The following ARHGEF10 variants were observed in gnomAD, a reference collection of about 807,000 sequenced individuals.
ARHGEF10 encodes the protein Rho guanine nucleotide exchange factor (GEF) 10.
Under a neutral mutation model 147.4 loss-of-function variants are expected in ARHGEF10, and 140 were observed. That is an observed-to-expected ratio of 0.95 (90% CI 0.83 to 1.09). ARHGEF10 has a LOEUF of 1.09. Ranked by LOEUF, ARHGEF10 falls within the 50% of genes least tolerant of loss-of-function variation. ARHGEF10 has a pLI of 0.00. For missense variants in ARHGEF10, 2,222 were observed against 1,752.7 expected (o/e 1.27, Z -4.78); for synonymous variants, 902 against 695.8 (o/e 1.30, Z -4.67).
At chr8:1,846,145 G>A (rs991152449) in intron 2 of ARHGEF10, among the ~76,000 whole-genome samples, 1 of 152,208 alleles carries the variant, frequency 6.6e-6, no homozygotes, top group African/African-American at 2.4e-5. Context: ...AGACCCTGGC[G>A]GGAGCCCGGG....
chr8:1,923,106 G>T (rs753649740), intron 19 of ARHGEF10, 27 bp downstream of exon 19: 2 of 1,494,820 alleles, frequency 1.3e-6, no homozygotes. Context: ...TTGGATTTAA[G>T]ATTCTGCCTT....
chr8:1,850,927 A>T (rs901974515), intron 2 of ARHGEF10, among the ~76,000 whole-genome samples: 1 of 152,050 alleles, frequency 6.6e-6, no homozygotes, highest in East Asian at 1.9e-4. Flanking sequence ...CATCTTACTG[A>T]GCGAGAGAAG....
intron 7 of ARHGEF10, among the ~76,000 whole-genome samples, chr8:1,874,154 C>A (rs969801314): frequency 6.6e-6 from 1 of 152,212 alleles, no homozygotes. Flanking sequence ...GTGAGTAATT[C>A]ACTGAATTGA....
At chr8:1,912,285 C>T (rs1811418530) in intron 18 of ARHGEF10, among the ~76,000 whole-genome samples, 1 of 152,064 alleles carries the variant, frequency 6.6e-6, no homozygotes, top group Non-Finnish European at 1.5e-5. Context: ...CAGCAGGAAG[C>T]TCGCCGTCCC....
chr8:1,942,564 G>A (rs759335707), intron 26 of ARHGEF10, among the ~76,000 whole-genome samples: 1 of 152,156 alleles, frequency 6.6e-6, no homozygotes, highest in Non-Finnish European at 1.5e-5. Context: ...AAAGTAACTC[G>A]TGGCATGACC....
intron 7 of ARHGEF10, among the ~76,000 whole-genome samples, chr8:1,875,411 T>C (rs1001826247): frequency 3.3e-5 from 5 of 152,184 alleles, no homozygotes; most frequent in Admixed American, 3.3e-4. Context: ...GACTCTTGGC[T>C]CTTGGGCATG....
At chr8:1,891,564 G>A (rs191887429) in intron 11 of ARHGEF10, among the ~76,000 whole-genome samples, 5 of 152,286 alleles carry the variant, frequency 3.3e-5, no homozygotes, top group East Asian at 1.9e-4. Context: ...GGCACCATCC[G>A]CAGCTCTCCC....
In ARHGEF10 at chr8:1,858,095, G is replaced by C; in HGVS notation, c.173G>C (p.Ser58Thr). 1.2e-6 allele frequency: 2 copies of C among 1,608,080 alleles called. No homozygotes were observed. Among genetic ancestry groups the C allele is most frequent in the Non-Finnish European group, 1.7e-6 (2 of 1,176,198 alleles). Reference sequence around the variant, plus strand: ...CCTGAGACAGGAGGTGCTGGAGCCAGTGAAGCCCCTGCACCCACAGGTGAG... The same window carrying C: ...CCTGAGACAGGAGGTGCTGGAGCCACTGAAGCCCCTGCACCCACAGGTGAG... ...SAPETGGAGA[S>T]EAPAPTGGED... The change falls in exon 3 of 29, where the codon AGT (serine) becomes ACT (threonine). Residue 58 changes from serine (S) to threonine (T), a missense_variant. Physicochemically the swap from Ser to Thr is moderately conservative, Grantham distance 58. Coordinates refer to ENST00000349830, the MANE Select transcript of ARHGEF10 (RefSeq NM_014629.4).
At chr8:1,863,317 T>C (rs1471943568) in intron 4 of ARHGEF10, among the ~76,000 whole-genome samples, 1 of 152,202 alleles carries the variant, frequency 6.6e-6, no homozygotes, top group Non-Finnish European at 1.5e-5. Context: ...TCCAGCTGTG[T>C]GGCAGCTCCT....
At chr8:1,891,526 T>A (rs186194147) in intron 11 of ARHGEF10, among the ~76,000 whole-genome samples, 9 of 152,176 alleles carry the variant, frequency 5.9e-5, no homozygotes, top group African/African-American at 2.2e-4. Context: ...GGTGAGGACA[T>A]GAGGAAGGTC....
At chr8:1,865,487 C>G (rs1218302226) in intron 5 of ARHGEF10, among the ~76,000 whole-genome samples, 1 of 151,274 alleles carries the variant, frequency 6.6e-6, no homozygotes, top group Non-Finnish European at 1.5e-5. Flanking sequence ...GGGCCATCAC[C>G]AGGACACGGG....
At position 1,876,561 on chromosome 8, in the gene ARHGEF10, A is replaced by G. The variant is rs1807721000; in HGVS notation, c.680-10A>G. ...AAGTTTTAATTTCATTTTGGAATTT[A>G]TGCACTCAGATGAAATGATTTATGA... On this transcript the variant is annotated splice_polypyrimidine_tract_variant and intron_variant, in intron 7 of 28. Coordinates refer to ENST00000349830, the MANE Select transcript of ARHGEF10 (RefSeq NM_014629.4). The G allele has an allele frequency of 6.2e-7, 1 of 1,613,774 alleles. No homozygotes were observed. The highest frequency in any genetic ancestry group is 1.3e-5 in the African/African-American group (1 of 75,066).
intron 18 of ARHGEF10, among the ~76,000 whole-genome samples, chr8:1,917,484 C>A (rs1288164950): frequency 6.6e-6 from 1 of 152,152 alleles, no homozygotes; most frequent in Non-Finnish European, 1.5e-5. Flanking sequence ...TTCCAGCCGT[C>A]CTTGCTATTG....
chr8:1,859,827 C>T lies in ARHGEF10; in HGVS notation c.194-70C>T, dbSNP rs920650525. On this transcript the variant is annotated intron_variant, in intron 3 of 28. Coordinates refer to ENST00000349830, the MANE Select transcript of ARHGEF10 (RefSeq NM_014629.4). ...GGAGCTCATACCTGCTTCCCACTTG[C>T]GCTCCAGGAGGGCATGCCTGCCATG... 7.5e-5 allele frequency: 118 copies of T among 1,580,434 alleles called. 1 individual carries two copies. In the East Asian group the frequency reaches 1.4e-3, roughly 19 times the overall value.
chr8:1,950,486 C>A (rs144870741), intron 27 of ARHGEF10, among the ~76,000 whole-genome samples: 1 of 152,276 alleles, frequency 6.6e-6, no homozygotes, highest in Non-Finnish European at 1.5e-5. Context: ...TAAAAACATT[C>A]ATATCGGGTT....
chr8:1,945,621 C>T lies in ARHGEF10; in HGVS notation c.3363C>T (p.Ile1121=). ...HTETLKHLQD[I]NIATPVHNML... is the part of the protein sequence containing the mutation. ...AAACTCTCAAGCACCTGCAGGACAT[C>T]AACATCGCCACCCCTGTTCACAACA... Residue 1121 remains isoleucine (I), a synonymous_variant, in exon 27 of 29, where the codon ATC becomes ATT. Transcript: ENST00000349830. 6.2e-7 allele frequency: 1 copy of T among 1,614,262 alleles called. No individual in the cohort carries two copies. Among genetic ancestry groups the T allele is most frequent in the South Asian group, 1.1e-5 (1 of 91,088 alleles).
At chr8:1,840,950 C>T (rs1373541542) in intron 1 of ARHGEF10, among the ~76,000 whole-genome samples, 2 of 152,316 alleles carry the variant, frequency 1.3e-5, no homozygotes, top group African/African-American at 4.8e-5. Flanking sequence ...GAAAGCTCAC[C>T]TGCAAGGGCA....
chr8:1,843,515 C>A, intron 2 of ARHGEF10, 79 bp downstream of exon 2: 1 of 1,097,548 alleles, frequency 9.1e-7, no homozygotes, highest in Non-Finnish European at 1.4e-6. Context: ...TCTGGAACCA[C>A]TGAATTGCTG....
At chr8:1,901,787 A>G (rs1244741315) in intron 15 of ARHGEF10, among the ~76,000 whole-genome samples, 1 of 152,174 alleles carries the variant, frequency 6.6e-6, no homozygotes, top group African/African-American at 2.4e-5. Flanking sequence ...TTTTGCCTTG[A>G]TAGAATTCGT....
Sources: gnomAD v4.1 joint callset for allele counts (sites outside exome capture counted in the v4.1 genomes callset) on GRCh38, gnomAD v4.1.1 for gene constraint, MANE v1.5 for transcripts, NCBI Gene and HGNC (gene_info 2026-07-23, HGNC 2026-07-21) for gene names.